Variants in GABRB1 observed in about 807,000 individuals in gnomAD.
The protein encoded by GABRB1 is gamma-aminobutyric acid type A receptor subunit beta1.
Under a neutral mutation model 51.6 loss-of-function variants are expected in GABRB1, and 17 were observed. The ratio of observed to expected loss-of-function variants is 0.33; its 90% confidence interval spans 0.23 to 0.49. The LOEUF is 0.49. Ranked by LOEUF, GABRB1 falls within the 20% of genes least tolerant of loss-of-function variation. The pLI, the probability that GABRB1 is intolerant of heterozygous loss-of-function variation, is 0.99. For synonymous variants in GABRB1, 247 were observed against 218.9 expected, an observed-to-expected ratio of 1.13 and a Z score of -1.14; for missense variants, 410 against 600.6, an observed-to-expected ratio of 0.68 and a Z score of 3.32.
At chr4:47,364,378 T>G (rs10002734) in intron 5 of GABRB1, among the ~76,000 whole-genome samples, 78,484 of 151,548 alleles carry the variant, frequency 0.52, 20,754 homozygotes, top group Non-Finnish European at 0.55. Context: ...GAAAAAAAGA[T>G]CAGACAAAGT....
At chr4:47,259,435 G>A (rs1264339122) in intron 4 of GABRB1, among the ~76,000 whole-genome samples, 1 of 152,250 alleles carries the variant, frequency 6.6e-6, no homozygotes, top group African/African-American at 2.4e-5. Flanking sequence ...TATGTTAAAA[G>A]TCAATAATGT....
chr4:47,058,035 C>A (rs1283724881), intron 3 of GABRB1, among the ~76,000 whole-genome samples: 3 of 152,150 alleles, frequency 2.0e-5, no homozygotes, highest in African/African-American at 7.2e-5. Flanking sequence ...ACAGATTTTT[C>A]ATGAGAATAA....
chr4:47,183,354 A>C (rs961693428), intron 4 of GABRB1, among the ~76,000 whole-genome samples: 3 of 138,288 alleles, frequency 2.2e-5, no homozygotes, highest in Non-Finnish European at 4.7e-5. Flanking sequence ...GCATATATAT[A>C]TATATATATA....
At chr4:47,042,012 A>G (rs143055876) in intron 3 of GABRB1, among the ~76,000 whole-genome samples, 1 of 152,162 alleles carries the variant, frequency 6.6e-6, no homozygotes, top group Non-Finnish European at 1.5e-5. Context: ...AAAAGACCCA[A>G]TATAATTTAG....
rs1553884656 is a variant in GABRB1, at chr4:47,425,516, A to AGATCGATC, written c.1081-153_1081-146dup. 3.4e-3 allele frequency among the ~76,000 whole-genome samples: 504 copies of AGATCGATC among 149,524 alleles called. 1 individual carries two copies. The highest frequency in any genetic ancestry group is 4.2e-3 in the Non-Finnish European group (284 of 67,508). On this transcript the variant is annotated intron_variant, in intron 8 of 8. Transcript: ENST00000295454. Reference sequence around the variant, plus strand: ...TAGATAGATAGATAGATAGATAGATAGATCGATCGATCTATCTCCACATCA... The same window carrying AGATCGATC: ...TAGATAGATAGATAGATAGATAGATAGATCGATCGATCGATCGATCTATCTCCACATCA...
intron 4 of GABRB1, among the ~76,000 whole-genome samples, chr4:47,212,612 G>A (rs1345235259): frequency 6.6e-6 from 1 of 152,104 alleles, no homozygotes; most frequent in African/African-American, 2.4e-5. Context: ...CTGGTAGGTG[G>A]AGGTTGCAGT....
intron 4 of GABRB1, among the ~76,000 whole-genome samples, chr4:47,223,487 T>G (rs1720840641): frequency 6.6e-6 from 1 of 152,170 alleles, no homozygotes; most frequent in Admixed American, 6.6e-5. Context: ...TTAGTAAATT[T>G]TTCTTTATTT....
chr4:47,392,289 C>A (rs1014485433), intron 5 of GABRB1, among the ~76,000 whole-genome samples: 7 of 151,150 alleles, frequency 4.6e-5, no homozygotes, highest in Admixed American at 6.6e-5. Context: ...AACTGAGGCA[C>A]TACCATGCTG....
intron 4 of GABRB1, among the ~76,000 whole-genome samples, chr4:47,280,603 C>A (rs1723251053): frequency 1.3e-5 from 2 of 151,228 alleles, no homozygotes; most frequent in Admixed American, 1.3e-4. Context: ...CTATTTTTGT[C>A]TGAGAAAGTT....
At chr4:47,281,938 A>G (rs1319322610) in intron 4 of GABRB1, among the ~76,000 whole-genome samples, 1 of 152,188 alleles carries the variant, frequency 6.6e-6, no homozygotes, top group African/African-American at 2.4e-5. Context: ...TTTCAGTTAA[A>G]CTGGGAGAAT....
intron 3 of GABRB1, among the ~76,000 whole-genome samples, chr4:47,103,626 A>G (rs958353860): frequency 1.3e-5 from 2 of 152,042 alleles, no homozygotes; most frequent in Non-Finnish European, 2.9e-5. Context: ...TTCAAATTAC[A>G]TTATGTATTT....
chr4:47,236,031 T>C (rs1344092674), intron 4 of GABRB1, among the ~76,000 whole-genome samples: 1 of 152,094 alleles, frequency 6.6e-6, no homozygotes, highest in East Asian at 1.9e-4. Context: ...TTAAACTTCA[T>C]GGCCTTCTTA....
At chr4:47,365,561 C>T (rs554649858) in intron 5 of GABRB1, among the ~76,000 whole-genome samples, 16 of 152,266 alleles carry the variant, frequency 1.1e-4, no homozygotes, top group Non-Finnish European at 1.8e-4. Flanking sequence ...CCTTCTCTTG[C>T]CTCCCTTCTC....
chr4:47,392,555 A>G (rs1300631030), intron 5 of GABRB1, among the ~76,000 whole-genome samples: 2 of 151,992 alleles, frequency 1.3e-5, no homozygotes, highest in Non-Finnish European at 2.9e-5. Context: ...GTTGGCCAGG[A>G]TGGTCTTCAT....
upstream of GABRB1, chr4:47,031,511 T>C: frequency 5.9e-6 from 4 of 677,880 alleles, no homozygotes; most frequent in Non-Finnish European, 7.9e-6. Context: ...GGAATATTGT[T>C]TGCAAGGCAC....
chr4:47,304,265 T>C (rs1290379498), intron 4 of GABRB1, among the ~76,000 whole-genome samples: 3 of 152,112 alleles, frequency 2.0e-5, no homozygotes, highest in Admixed American at 2.0e-4. Flanking sequence ...ACCAACAGTG[T>C]GCTAGGCTTC....
At chr4:47,424,941 A>G (rs1729220585) in intron 8 of GABRB1, among the ~76,000 whole-genome samples, 1 of 152,212 alleles carries the variant, frequency 6.6e-6, no homozygotes, top group Non-Finnish European at 1.5e-5. Context: ...AAGGATAGCC[A>G]GGCGAATCCT....
chr4:47,244,376 A>G (rs555196714), intron 4 of GABRB1, among the ~76,000 whole-genome samples: 1 of 152,136 alleles, frequency 6.6e-6, no homozygotes, highest in South Asian at 2.1e-4. Context: ...AGGCTTTGGT[A>G]TCAGGATGAT....
chr4:47,330,146 C>T (rs1247427227), intron 5 of GABRB1, among the ~76,000 whole-genome samples: 2 of 152,156 alleles, frequency 1.3e-5, no homozygotes, highest in Admixed American at 1.3e-4. Context: ...TTGTCTCTTA[C>T]TCAGGGGAGA....
Sources: gnomAD v4.1 joint callset for allele counts (sites outside exome capture counted in the v4.1 genomes callset) on GRCh38, gnomAD v4.1.1 for gene constraint, MANE v1.5 for transcripts, NCBI Gene and HGNC (gene_info 2026-07-23, HGNC 2026-07-21) for gene names.